The following MAP3K9 variants were observed in gnomAD, a reference collection of about 807,000 sequenced individuals.
MAP3K9 encodes mixed lineage kinase 1 (tyr and ser/thr specificity).
MAP3K9 carries 46 observed loss-of-function variants against 95.8 expected under a neutral mutation model. The observed-to-expected ratio is 0.48, with a 90% CI of 0.38 to 0.61. MAP3K9 has a LOEUF of 0.61. Ranked by LOEUF, MAP3K9 falls within the 20% of genes least tolerant of loss-of-function variation. The probability of loss-of-function intolerance (pLI) is 0.00; values close to 1 mark genes in which losing one functional copy is unlikely to be tolerated. For synonymous variants in MAP3K9, 533 were observed against 593.8 expected, an observed-to-expected ratio of 0.90 and a Z score of 1.49; for missense variants, 1,296 against 1,474.3, an observed-to-expected ratio of 0.88 and a Z score of 1.98.
chr14:70,765,028 T>G (rs1249163158), intron 2 of MAP3K9, among the ~76,000 whole-genome samples: 1 of 152,056 alleles, frequency 6.6e-6, no homozygotes, highest in Non-Finnish European at 1.5e-5. Flanking sequence ...AATTTATTAT[T>G]GAAGAAAGAA....
Position 70,800,748 on chromosome 14 carries a change from C to T in MAP3K9, c.739G>A (p.Val247Met), listed in dbSNP as rs2054919008. ...TAGTTCATCCCTCTGGCAATCTGCACAGCCCAATTCACCAGGATGTCTGGG... is the reference window on the plus strand; with the variant it reads ...TAGTTCATCCCTCTGGCAATCTGCATAGCCCAATTCACCAGGATGTCTGGG... The part of the protein sequence containing the change: ...IPPDILVNWA[V>M]QIARGMNYLH... Residue 247 changes from valine to methionine, a missense_variant, in exon 2 of 12, where the codon GTG becomes ATG. Transcript: ENST00000554752. The T allele has an allele frequency of 2.7e-5, 44 of 1,614,184 alleles. 1 individual carries two copies. The highest frequency in any genetic ancestry group is 3.6e-5 in the Non-Finnish European group (42 of 1,180,028).
chr14:70,788,926 A>C lies in MAP3K9; in HGVS notation c.820+11741T>G, dbSNP rs556046131. 1.2e-3 allele frequency among the ~76,000 whole-genome samples: 184 copies of C among 152,364 alleles called. No homozygotes were observed. The Middle Eastern group carries it at 0.014, about 11-fold the overall frequency. ...GTCTTAAATGACACTGTGTAACAAG[A>C]AAGCTAAGTTGACATAGGGAGGCCA... On this transcript the variant is annotated intron_variant, in intron 2 of 11. Coordinates refer to ENST00000554752, the MANE Select transcript of MAP3K9 (RefSeq NM_001284230.2).
intron 2 of MAP3K9, among the ~76,000 whole-genome samples, chr14:70,787,929 G>A (rs1337351590): frequency 6.6e-6 from 1 of 152,082 alleles, no homozygotes; most frequent in East Asian, 1.9e-4. Flanking sequence ...AGACAGAGAT[G>A]GGGGGAGCAA....
chr14:70,788,583 C>T (rs980217461), intron 2 of MAP3K9, among the ~76,000 whole-genome samples: 3 of 152,216 alleles, frequency 2.0e-5, no homozygotes, highest in African/African-American at 7.2e-5. Context: ...CACATGGGCT[C>T]ATCCCCAAAA....
chr14:70,781,873 A>C lies in MAP3K9; in HGVS notation c.820+18794T>G, dbSNP rs74065428. On this transcript the variant is annotated intron_variant, in intron 2 of 11. Coordinates refer to ENST00000554752, the MANE Select transcript of MAP3K9 (RefSeq NM_001284230.2). ...TAGAAAGAGGAGCTGTTTCACATGG[A>C]AGACTCAACTTCTTGGGAGCATGGC... Among the ~76,000 whole-genome samples, 862 of 152,330 alleles carry C rather than the reference A, an allele frequency of 5.7e-3. 13 individuals carry two copies. Among genetic ancestry groups the C allele is most frequent in the African/African-American group, 0.02 (811 of 41,564 alleles).
chr14:70,743,706 A>G (rs1009870790), intron 5 of MAP3K9, among the ~76,000 whole-genome samples: 3 of 152,174 alleles, frequency 2.0e-5, no homozygotes, highest in African/African-American at 7.2e-5. Context: ...TCAGAAAACA[A>G]AGATGCTGGA....
intron 9 of MAP3K9, among the ~76,000 whole-genome samples, chr14:70,735,116 C>A (rs921116790): frequency 3.3e-5 from 5 of 152,196 alleles, no homozygotes; most frequent in Non-Finnish European, 7.3e-5. Flanking sequence ...TGAAGCAGAG[C>A]CCTTGGTCTG....
rs779964020 is a variant in MAP3K9, at chr14:70,730,323, G to A, written c.*57C>T. ...CCAACCCTGAGAAAGGGCTGTGCCC[G>A]CCAGCTCCCCTCATCTCCGCTGGCT... On this transcript the variant is annotated 3_prime_UTR_variant, in exon 12 of 12. Coordinates refer to ENST00000554752, the MANE Select transcript of MAP3K9 (RefSeq NM_001284230.2). 4.5e-6 allele frequency: 7 copies of A among 1,557,612 alleles called. No homozygotes were observed. The highest frequency in any genetic ancestry group is 2.3e-5 in the East Asian group (1 of 44,156).
At chr14:70,738,562 G>C (rs1327263967) in intron 7 of MAP3K9, among the ~76,000 whole-genome samples, 164 bp from the exon 8 acceptor site, 1 of 152,214 alleles carries the variant, frequency 6.6e-6, no homozygotes, top group African/African-American at 2.4e-5. Flanking sequence ...AAGTAATGGA[G>C]TTCTCAGCCA....
intron 1 of MAP3K9, 59 bp from the exon 2 acceptor site, chr14:70,801,139 A>C (rs2054925595): frequency 6.6e-7 from 1 of 1,514,874 alleles, no homozygotes; most frequent in Non-Finnish European, 8.9e-7. Flanking sequence ...ATCGTATTTA[A>C]CCTTTCATTT....
chr14:70,775,772 C>T (rs1594797469), intron 2 of MAP3K9, among the ~76,000 whole-genome samples: 2 of 152,214 alleles, frequency 1.3e-5, no homozygotes, highest in Non-Finnish European at 2.9e-5. Flanking sequence ...AAGTCCACTG[C>T]CCTTTCCACT....
chr14:70,755,233 C>G (rs1329365978), intron 3 of MAP3K9, among the ~76,000 whole-genome samples: 1 of 152,216 alleles, frequency 6.6e-6, no homozygotes, highest in Non-Finnish European at 1.5e-5. Flanking sequence ...GTTTGGGAAA[C>G]AGCTTTGTAC....
At chr14:70,802,411 T>C (rs377216810) in intron 1 of MAP3K9, among the ~76,000 whole-genome samples, 1 of 152,320 alleles carries the variant, frequency 6.6e-6, no homozygotes, top group South Asian at 2.1e-4. Context: ...CCTAAGGTAC[T>C]TGATTATATA....
In MAP3K9 at chr14:70,728,945, C is replaced by T. The variant is rs1046811414; in HGVS notation, c.*1435G>A. The T allele has an allele frequency of 1.3e-5, 2 of 152,238 alleles. No homozygotes were observed. The highest frequency in any genetic ancestry group is 4.8e-5 in the African/African-American group (2 of 41,446). The allele number at this position is 152,238 out of a possible 1,614,324, so 9.4% of individuals were successfully genotyped here. ...TCCCACATAAAGACAACTGTTCACA[C>T]ATAACACAGGAGGCCTCAGAGTAGT... is the stretch of plus-strand genomic sequence containing the variant. On this transcript the variant is annotated 3_prime_UTR_variant, in exon 12 of 12. Coordinates refer to ENST00000554752, the MANE Select transcript of MAP3K9 (RefSeq NM_001284230.2).
chr14:70,755,762 C>T (rs1471962209), intron 3 of MAP3K9, among the ~76,000 whole-genome samples: 1 of 152,184 alleles, frequency 6.6e-6, no homozygotes, highest in East Asian at 1.9e-4. Context: ...AATCCTGCAG[C>T]ATAGAAGCTA....
At chr14:70,767,187 G>A (rs1231869305) in intron 2 of MAP3K9, among the ~76,000 whole-genome samples, 4 of 151,886 alleles carry the variant, frequency 2.6e-5, no homozygotes, top group East Asian at 3.9e-4. Flanking sequence ...AGTTCAAGAC[G>A]AGACTGGCCA....
chr14:70,772,173 G>A (rs528538369), intron 2 of MAP3K9, among the ~76,000 whole-genome samples: 3 of 152,182 alleles, frequency 2.0e-5, no homozygotes, highest in Admixed American at 6.5e-5. Context: ...AGCAGCTTCC[G>A]CATTGTCAGC....
At chr14:70,733,566 A>T (rs1255095608) in intron 10 of MAP3K9, among the ~76,000 whole-genome samples, 3 of 152,254 alleles carry the variant, frequency 2.0e-5, no homozygotes, top group African/African-American at 7.2e-5. Context: ...CCATTTCCTT[A>T]GAGCAGAATA....
Position 70,730,351 on chromosome 14 carries a change from C to T in MAP3K9, c.*29G>A. 1.9e-6 allele frequency: 3 copies of T among 1,581,982 alleles called. No homozygotes were observed. The highest frequency in any genetic ancestry group is 1.7e-6 in the Non-Finnish European group (2 of 1,158,722). ...AGCTCCCCTCATCTCCGCTGGCTGTCCCCCTTGCCCGCCCCAATCCTTTTC... is the reference window on the plus strand; with the variant it reads ...AGCTCCCCTCATCTCCGCTGGCTGTTCCCCTTGCCCGCCCCAATCCTTTTC... On this transcript the variant is annotated 3_prime_UTR_variant, in exon 12 of 12. Transcript: ENST00000554752.
Sources: gnomAD v4.1 joint callset for allele counts (sites outside exome capture counted in the v4.1 genomes callset) on GRCh38, gnomAD v4.1.1 for gene constraint, MANE v1.5 for transcripts, NCBI Gene and HGNC (gene_info 2026-07-23, HGNC 2026-07-21) for gene names.